ADRA1A: variants seen among roughly 807,000 people sequenced by gnomAD.
ADRA1A encodes the protein adrenoceptor alpha 1A.
A neutral mutation model predicts 29.6 loss-of-function variants in ADRA1A; 31 were observed. That is an observed-to-expected ratio of 1.05 (90% confidence interval 0.79 to 1.41). The LOEUF is 1.41. Among genes scored for constraint, ADRA1A ranks in the 40% most tolerant of loss-of-function variants. The probability of loss-of-function intolerance (pLI) is 0.00; values close to 1 mark genes in which losing one functional copy is unlikely to be tolerated. For synonymous variants in ADRA1A, 311 were observed against 254.3 expected (o/e 1.22, Z -2.12); for missense variants, 619 against 601.1 (o/e 1.03, Z -0.31).
intron 2 of ADRA1A, among the ~76,000 whole-genome samples, chr8:26,790,607 G>A (rs1807746716): frequency 6.6e-6 from 1 of 152,088 alleles, no homozygotes; most frequent in Non-Finnish European, 1.5e-5. Flanking sequence ...CAGTTTGAAT[G>A]TTTCCAACAC....
chr8:26,763,581 A>G (rs1805623298), downstream of ADRA1A, among the ~76,000 whole-genome samples: 1 of 126,732 alleles, frequency 7.9e-6, no homozygotes, highest in South Asian at 2.6e-4. This position sits in a 1 kb window ranked among gnomAD's most constrained non-coding sequence, Gnocchi z 4.5. Context: ...TTGCCACTTT[A>G]TCCAATGACT....
intron 2 of ADRA1A, among the ~76,000 whole-genome samples, chr8:26,803,309 C>T (rs951068275): frequency 6.6e-6 from 1 of 152,026 alleles, no homozygotes; most frequent in Non-Finnish European, 1.5e-5. Flanking sequence ...GATTATTACA[C>T]AGTATATGAC....
At position 26,864,566 on chromosome 8, in the gene ADRA1A, G is replaced by A. The variant is rs914665795; in HGVS notation, c.404C>T (p.Pro135Leu). The change falls in exon 2 of 3, where the codon CCA becomes CTA. Residue 135 changes from proline to leucine, a missense_variant. Transcript: ENST00000380573. The surrounding 1 kb of genome is among the most constrained non-coding windows in gnomAD (Gnocchi z 8.1). ...ACCCCTCCTCTGGGTGACGATGGTT[G>A]GGTAGCGCAGCGGGTAGCTCACGCC... is the stretch of plus-strand genomic sequence containing the variant. ...YIGVSYPLRY[P>L]TIVTQRRGLM... is the part of the protein sequence containing the mutation. The A allele has an allele frequency of 4.0e-5, 64 of 1,613,998 alleles. No individual in the cohort carries two copies. Among genetic ancestry groups the A allele is most frequent in the Non-Finnish European group, 5.0e-5 (59 of 1,180,030 alleles).
intron 2 of ADRA1A, among the ~76,000 whole-genome samples, chr8:26,843,878 G>A (rs895658463): frequency 2.6e-5 from 4 of 152,220 alleles, no homozygotes; most frequent in African/African-American, 7.2e-5. Context: ...CAGTGGTAAA[G>A]TGCTTAATAA....
downstream of ADRA1A, among the ~76,000 whole-genome samples, chr8:26,763,788 GAGA>G (rs984508154): frequency 6.6e-6 from 1 of 152,102 alleles, no homozygotes; most frequent in African/African-American, 2.4e-5. This position sits in a 1 kb window ranked among gnomAD's most constrained non-coding sequence, Gnocchi z 4.5. Context: ...TTTTGTTTGA[GAGA>G]AGAAGGGTTT....
Position 26,848,151 on chromosome 8 carries a change from T to C in ADRA1A, c.883+15936A>G, listed in dbSNP as rs956078344. ...AGGCAGCCAGGCAGCTCCTGCAAGA[T>C]GTCACTAATCCCTTGCGTGCCTCAG... On this transcript the variant is annotated intron_variant, in intron 2 of 2. Coordinates refer to ENST00000380573, the MANE Select transcript of ADRA1A (RefSeq NM_000680.4). The surrounding 1 kb of genome is among the most constrained non-coding windows in gnomAD (Gnocchi z 4.3). Among the ~76,000 whole-genome samples the C allele has an allele frequency of 1.3e-5, 2 of 152,208 alleles. No individual in the cohort carries two copies. Among genetic ancestry groups the C allele is most frequent in the African/African-American group, 4.8e-5 (2 of 41,466 alleles).
chr8:26,853,188 A>G (rs948705993), intron 2 of ADRA1A, among the ~76,000 whole-genome samples: 2 of 152,176 alleles, frequency 1.3e-5, no homozygotes, highest in Non-Finnish European at 2.9e-5. Context: ...CTCTAGAAAG[A>G]TATTTCTTTG....
At chr8:26,847,525 G>A (rs893280247) in intron 2 of ADRA1A, among the ~76,000 whole-genome samples, 9 of 152,150 alleles carry the variant, frequency 5.9e-5, no homozygotes, top group Non-Finnish European at 8.8e-5. Context: ...TTTTCATTAA[G>A]AGGAACTAAA....
At chr8:26,808,525 A>G (rs541425321) in intron 2 of ADRA1A, among the ~76,000 whole-genome samples, 1 of 152,222 alleles carries the variant, frequency 6.6e-6, no homozygotes, top group Admixed American at 6.5e-5. Context: ...GATCACTTCT[A>G]TGCTGATGAC....
chr8:26,814,283 G>T (rs1371462129), intron 2 of ADRA1A, among the ~76,000 whole-genome samples: 1 of 151,640 alleles, frequency 6.6e-6, no homozygotes, highest in Non-Finnish European at 1.5e-5. Flanking sequence ...TTGCTCTGTC[G>T]CCCAGGCTGG....
At position 26,864,881 on chromosome 8, in the gene ADRA1A, C is replaced by A; in HGVS notation, c.89G>T (p.Gly30Val). The change falls in exon 2 of 3, where the codon GGG becomes GTG. Residue 30 changes from glycine (G) to valine (V), a missense_variant. Physicochemically the swap from Gly to Val is moderately radical, Grantham distance 109 (BLOSUM62 -3). Transcript: ENST00000380573. The surrounding 1 kb of genome is among the most constrained non-coding windows in gnomAD (Gnocchi z 8.1). ...AAGAATGAGGCCCCCCAAGATCACC[C>A]CGAGCAGAATGGCCTTGGAAATGTT... is the stretch of plus-strand genomic sequence containing the variant. ...PVNISKAILL[G>V]VILGGLILFG... is the part of the protein sequence containing the mutation. 1.2e-6 allele frequency: 2 copies of A among 1,614,080 alleles called. No individual in the cohort carries two copies. The highest frequency in any genetic ancestry group is 1.7e-6 in the Non-Finnish European group (2 of 1,180,024).
intron 2 of ADRA1A, among the ~76,000 whole-genome samples, chr8:26,845,204 C>T (rs879773245): frequency 2.6e-5 from 4 of 152,138 alleles, no homozygotes; most frequent in African/African-American, 7.2e-5. Context: ...CAGGGTCTGG[C>T]ATCCAGAATA....
chr8:26,847,911 A>G (rs1313149876), intron 2 of ADRA1A, among the ~76,000 whole-genome samples: 1 of 152,226 alleles, frequency 6.6e-6, no homozygotes, highest in Non-Finnish European at 1.5e-5. Flanking sequence ...CTGCTTCACC[A>G]GCGCAGTGCT....
rs1805978025 is a variant in ADRA1A at position 26,769,453 on chromosome 8, C to T, written c.*696G>A. On this transcript the variant is annotated 3_prime_UTR_variant, in exon 3 of 3. Transcript: ENST00000380573. ...GCCATACCACCCTGGTTGGTTCTTT[C>T]AACCCTCTCCTGACCCAAGGATAGA... 1 of 985,288 alleles carries T rather than the reference C, an allele frequency of 1.0e-6. No homozygotes were observed. The highest frequency in any genetic ancestry group is 6.1e-5 in the Admixed American group (1 of 16,268). The allele number at this position is 985,288 out of a possible 1,614,324, so 61.0% of individuals were successfully genotyped here.
rs193252405 is a variant in ADRA1A, at chr8:26,818,382, C to T, written c.883+45705G>A. On this transcript the variant is annotated intron_variant, in intron 2 of 2. Transcript: ENST00000380573. Reference sequence around the variant, plus strand: ...AAGAATTCCATGGTATGTCACTATCCAAAGACAACCTTATTAACATTTTTT... The same window carrying T: ...AAGAATTCCATGGTATGTCACTATCTAAAGACAACCTTATTAACATTTTTT... Among the ~76,000 whole-genome samples, 32 of 152,082 alleles carry T rather than the reference C, an allele frequency of 2.1e-4. No individual in the cohort carries two copies. In the East Asian group the frequency reaches 6.2e-3, roughly 29 times the overall value.
rs759805643 is a variant in ADRA1A at position 26,770,238 on chromosome 8, GC to G, written c.1311del (p.Ser439GlnfsTer39). 3 of 1,612,844 alleles carry G rather than the reference GC, an allele frequency of 1.9e-6. No individual in the cohort carries two copies. The highest frequency in any genetic ancestry group is 1.7e-6 in the Non-Finnish European group (2 of 1,179,198). ...KSFLQVCCCV[G>X]PSTPSLDKNH... ...TTCTTGTCAAGGCTGGGGGTTGAGGGCCCTACACAGCAGCAGACCTGCAAAA... is the reference window on the plus strand; with the variant it reads ...TTCTTGTCAAGGCTGGGGGTTGAGGGCCTACACAGCAGCAGACCTGCAAAA... On this transcript the variant is annotated frameshift_variant, in exon 3 of 3. Transcript: ENST00000380573. LOFTEE classifies it high-confidence loss of function.
In ADRA1A at chr8:26,770,139, C is replaced by G; in HGVS notation, c.*10G>C. On this transcript the variant is annotated 3_prime_UTR_variant, in exon 3 of 3. Transcript: ENST00000380573. Reference sequence around the variant, plus strand: ...AAGATTATTCCCCTTTCCTCTGCATCTTTCCTGTCCTAGACTTCCTCCCCG... The same window carrying G: ...AAGATTATTCCCCTTTCCTCTGCATGTTTCCTGTCCTAGACTTCCTCCCCG... The G allele has an allele frequency of 6.5e-7, 1 of 1,528,874 alleles. No individual in the cohort carries two copies. Among genetic ancestry groups the G allele is most frequent in the Middle Eastern group, 1.8e-4 (1 of 5,638 alleles). The allele number at this position is 1,528,874 out of a possible 1,614,324, so 94.7% of individuals were successfully genotyped here.
intron 2 of ADRA1A, among the ~76,000 whole-genome samples, chr8:26,811,200 T>C (rs1011702580): frequency 4.0e-5 from 6 of 151,846 alleles, no homozygotes; most frequent in African/African-American, 9.7e-5. Flanking sequence ...CTTTTCTTTT[T>C]TTTTTTTGTT....
intron 2 of ADRA1A, among the ~76,000 whole-genome samples, chr8:26,834,280 G>T (rs1272098388): frequency 1.3e-5 from 2 of 152,176 alleles, no homozygotes; most frequent in African/African-American, 4.8e-5. Context: ...AGGTTGTGAA[G>T]ATATCAGTTT....
Sources: allele counts gnomAD v4.1 joint callset (sites outside exome capture counted in the v4.1 genomes callset), GRCh38; gene constraint gnomAD v4.1.1; non-coding constraint Gnocchi (gnomAD v3.1); transcripts MANE v1.5; gene names NCBI Gene and HGNC (gene_info 2026-07-23, HGNC 2026-07-21).